Variants in MAST4 observed in about 807,000 individuals in gnomAD.
MAST4 encodes the protein microtubule-associated serine/threonine-protein kinase 4.
Under a neutral mutation model 162.7 loss-of-function variants are expected in MAST4, and 89 were observed. The ratio of observed to expected loss-of-function variants is 0.55; its 90% CI spans 0.46 to 0.65. The LOEUF (loss-of-function observed/expected upper bound fraction) is 0.65. Ranked by LOEUF, MAST4 falls within the 30% of genes least tolerant of loss-of-function variation. MAST4 has a pLI of 0.00. For synonymous variants in MAST4, 1,479 were observed against 1,361.1 expected (o/e 1.09, Z -1.91); for missense variants, 3,153 against 3,374.0 (o/e 0.93, Z 1.62).
intron 19 of MAST4, among the ~76,000 whole-genome samples, chr5:67,141,637 A>G (rs996288769): frequency 2.6e-5 from 4 of 152,252 alleles, no homozygotes; most frequent in Non-Finnish European, 5.9e-5. Context: ...GTTAATGAGC[A>G]ATCCACTAAA....
At chr5:67,145,097 C>G (rs1770900727) in intron 22 of MAST4, 47 bp from the exon 23 acceptor site, 1 of 1,462,530 alleles carries the variant, frequency 6.8e-7, no homozygotes, top group Admixed American at 2.0e-5. Context: ...ACCTTTAACA[C>G]AGTTTTCTAG....
At chr5:67,153,987 T>A (rs1772166414) in intron 26 of MAST4, among the ~76,000 whole-genome samples, 2 of 152,240 alleles carry the variant, frequency 1.3e-5, no homozygotes, top group South Asian at 4.1e-4. Context: ...AGTCTGAGAA[T>A]TAGAGTTCCT....
intron 1 of MAST4, among the ~76,000 whole-genome samples, chr5:66,756,530 G>A (rs1753548835): frequency 6.6e-6 from 1 of 152,116 alleles, no homozygotes; most frequent in African/African-American, 2.4e-5. Context: ...TTGGGAGTCT[G>A]GAAAAGTTGG....
chr5:67,053,502 T>C (rs1436800775), intron 4 of MAST4, among the ~76,000 whole-genome samples: 1 of 152,174 alleles, frequency 6.6e-6, no homozygotes, highest in African/African-American at 2.4e-5. Context: ...ATGAGGTAAC[T>C]TGCTGGGTTT....
chr5:66,900,617 C>A (rs1423578813), intron 4 of MAST4, among the ~76,000 whole-genome samples: 1 of 152,008 alleles, frequency 6.6e-6, no homozygotes, highest in African/African-American at 2.4e-5. Flanking sequence ...CAATTAAGGT[C>A]GAATTTGTTA....
chr5:66,989,584 G>A (rs1415438441), intron 4 of MAST4, among the ~76,000 whole-genome samples: 1 of 152,148 alleles, frequency 6.6e-6, no homozygotes, highest in Non-Finnish European at 1.5e-5. Context: ...TGAATATGGT[G>A]AAGCATAATT....
intron 3 of MAST4, among the ~76,000 whole-genome samples, chr5:66,797,815 G>C (rs1017780188): frequency 6.6e-6 from 1 of 152,162 alleles, no homozygotes; most frequent in East Asian, 1.9e-4. Flanking sequence ...CAGTGTGATG[G>C]GTGGGGAGTG....
intron 1 of MAST4, among the ~76,000 whole-genome samples, chr5:66,641,887 A>G (rs1745509749): frequency 1.3e-5 from 2 of 152,224 alleles, no homozygotes; most frequent in Admixed American, 6.5e-5. Flanking sequence ...TTTGAAAATG[A>G]TAAATAGGAA....
intron 4 of MAST4, among the ~76,000 whole-genome samples, chr5:66,980,459 G>A (rs1748655410): frequency 6.6e-6 from 1 of 152,204 alleles, no homozygotes; most frequent in African/African-American, 2.4e-5. Context: ...GTTTCTGCTA[G>A]TCAAAGCTAA....
chr5:67,104,426 G>C lies in MAST4; in HGVS notation c.1207G>C (p.Val403Leu), dbSNP rs201620401. ...TATCACCAGCTACTCTCCTGACAAC[G>C]TTCTACCCTTAGCAGATGGAGTGCT... is the stretch of plus-strand genomic sequence containing the variant. Reference protein sequence around the residue: ...EIITSYSPDNVLPLADGVLSF... With the variant: ...EIITSYSPDNLLPLADGVLSF... The change falls in exon 10 of 29, where the codon GTT (valine) becomes CTT (leucine). Residue 403 changes from valine (V) to leucine (L), a missense_variant. Val to Leu is a conservative substitution (Grantham distance 32). Coordinates refer to ENST00000403625, the MANE Select transcript of MAST4 (RefSeq NM_001164664.2). 1.2e-6 allele frequency: 2 copies of C among 1,613,750 alleles called. No homozygotes were observed. Among genetic ancestry groups the C allele is most frequent in the African/African-American group, 2.7e-5 (2 of 74,902 alleles).
At chr5:66,903,438 TTGTGTGTG>T (rs3042310) in intron 4 of MAST4, among the ~76,000 whole-genome samples, 164 of 148,716 alleles carry the variant, frequency 1.1e-3, no homozygotes, top group African/African-American at 3.7e-3. Context: ...ACACCTGTGT[TTGTGTGTG>T]TGTGTGTGTG....
At chr5:66,693,260 A>G (rs940174128) in intron 1 of MAST4, among the ~76,000 whole-genome samples, 5 of 152,218 alleles carry the variant, frequency 3.3e-5, no homozygotes, top group African/African-American at 4.8e-5. Flanking sequence ...ATGTTTTACA[A>G]ATGTTGACTG....
At chr5:66,685,890 G>C (rs537293812) in intron 1 of MAST4, among the ~76,000 whole-genome samples, 1 of 152,112 alleles carries the variant, frequency 6.6e-6, no homozygotes, top group Admixed American at 6.5e-5. Flanking sequence ...GAGGGGTTTG[G>C]GGGGATGGTT....
At chr5:66,969,852 C>A (rs1288099052) in intron 4 of MAST4, among the ~76,000 whole-genome samples, 1 of 152,118 alleles carries the variant, frequency 6.6e-6, no homozygotes, top group Non-Finnish European at 1.5e-5. Flanking sequence ...CTTTTTTATT[C>A]TATTTTTCCG....
At chr5:66,608,139 C>T (rs1743019837) in intron 1 of MAST4, among the ~76,000 whole-genome samples, 1 of 149,732 alleles carries the variant, frequency 6.7e-6, no homozygotes, top group Non-Finnish European at 1.5e-5. Flanking sequence ...CTCACTGCAA[C>T]CTCTGCCTCC....
At chr5:67,001,012 C>T (rs1204888335) in intron 4 of MAST4, among the ~76,000 whole-genome samples, 1 of 152,146 alleles carries the variant, frequency 6.6e-6, no homozygotes, top group Non-Finnish European at 1.5e-5. Flanking sequence ...AAAGCTTGTC[C>T]ATTGTTGTAT....
chr5:67,091,591 A>G (rs1211314093), intron 6 of MAST4, among the ~76,000 whole-genome samples: 1 of 152,234 alleles, frequency 6.6e-6, no homozygotes, highest in Non-Finnish European at 1.5e-5. Context: ...ACAAGTGTTT[A>G]CTATAGTCTT....
chr5:66,689,268 C>T (rs1042230164), intron 1 of MAST4, among the ~76,000 whole-genome samples: 1 of 152,140 alleles, frequency 6.6e-6, no homozygotes, highest in Non-Finnish European at 1.5e-5. Flanking sequence ...ATCATTCTAT[C>T]TCCTGAAACA....
chr5:66,707,238 C>T (rs1162111226), intron 1 of MAST4, among the ~76,000 whole-genome samples: 2 of 152,164 alleles, frequency 1.3e-5, no homozygotes, highest in Non-Finnish European at 2.9e-5. Context: ...ACTAGAAATA[C>T]GTCACAAACG....
Sources: gnomAD v4.1 joint callset for allele counts (sites outside exome capture counted in the v4.1 genomes callset) on GRCh38, gnomAD v4.1.1 for gene constraint, MANE v1.5 for transcripts, NCBI Gene and HGNC (gene_info 2026-07-23, HGNC 2026-07-21) for gene names.